Variants in SMYD3 observed in about 807,000 individuals in gnomAD.
The protein encoded by SMYD3 is histone-lysine N-methyltransferase SMYD3.
Under a neutral mutation model 57.7 loss-of-function variants are expected in SMYD3, and 36 were observed. The observed-to-expected ratio is 0.62, with a 90% CI of 0.48 to 0.82. The LOEUF (loss-of-function observed/expected upper bound fraction) is 0.82. SMYD3 is among the 40% of genes least tolerant of loss of function. The pLI is 0.00. For missense variants in SMYD3, 515 were observed against 538.8 expected, an observed-to-expected ratio of 0.96 and a Z score of 0.44; for synonymous variants, 211 against 195.0, an observed-to-expected ratio of 1.08 and a Z score of -0.68.
intron 5 of SMYD3, among the ~76,000 whole-genome samples, chr1:246,055,191 A>G (rs1364078621): frequency 6.6e-6 from 1 of 152,074 alleles, no homozygotes; most frequent in Non-Finnish European, 1.5e-5. Flanking sequence ...AAAACAAAAA[A>G]AAAAACAAAT....
At chr1:246,115,311 GTAGAAAACCTCAAGGTTCAAGGGGTA>G (rs1244096998) in intron 5 of SMYD3, among the ~76,000 whole-genome samples, 1 of 152,170 alleles carries the variant, frequency 6.6e-6, no homozygotes. Flanking sequence ...ATCAACCAGA[GTAGAAAACCTCAAGGTTCAAGGGGTA>G]TTGAATAGAA....
chr1:246,280,005 G>A (rs1055260715), intron 5 of SMYD3, among the ~76,000 whole-genome samples: 1 of 152,148 alleles, frequency 6.6e-6, no homozygotes, highest in Middle Eastern at 3.2e-3. Flanking sequence ...TAGCACACAC[G>A]ATGTTCTTAG....
chr1:246,419,210 TA>T (rs1159085583), intron 1 of SMYD3, among the ~76,000 whole-genome samples: 1 of 152,194 alleles, frequency 6.6e-6, no homozygotes, highest in African/African-American at 2.4e-5. Flanking sequence ...GATAAACCTA[TA>T]AGATAAACCT....
At chr1:245,974,234 T>C (rs1456338519) in intron 5 of SMYD3, among the ~76,000 whole-genome samples, 3 of 152,202 alleles carry the variant, frequency 2.0e-5, no homozygotes, top group Non-Finnish European at 2.9e-5. Context: ...TCAAATTTAA[T>C]ATGACTAAGT....
chr1:246,005,879 C>T (rs373872537), intron 5 of SMYD3, among the ~76,000 whole-genome samples: 3 of 152,124 alleles, frequency 2.0e-5, no homozygotes, highest in Non-Finnish European at 4.4e-5. Context: ...CATATGGAGC[C>T]GTGGTTACAG....
intron 5 of SMYD3, among the ~76,000 whole-genome samples, chr1:246,220,586 G>A (rs765622806): frequency 1.2e-4 from 19 of 152,164 alleles, no homozygotes; most frequent in Non-Finnish European, 2.5e-4. Flanking sequence ...ACTCCGACCT[G>A]GGAGCAAAGT....
At chr1:246,266,432 A>C (rs1183494448) in intron 5 of SMYD3, among the ~76,000 whole-genome samples, 2 of 139,254 alleles carry the variant, frequency 1.4e-5, no homozygotes, top group Non-Finnish European at 3.1e-5. Context: ...TATATTGAGT[A>C]TAGAATGTTT....
At chr1:246,059,719 G>A (rs750458994) in intron 5 of SMYD3, among the ~76,000 whole-genome samples, 3 of 152,090 alleles carry the variant, frequency 2.0e-5, no homozygotes, top group Non-Finnish European at 4.4e-5. Context: ...ATTATTTTGT[G>A]GCATAATAAG....
intron 5 of SMYD3, among the ~76,000 whole-genome samples, chr1:245,947,619 A>C (rs2057468011): frequency 6.6e-6 from 1 of 152,172 alleles, no homozygotes; most frequent in African/African-American, 2.4e-5. Context: ...TATAAAATGG[A>C]GGGATTGTGA....
At chr1:246,260,920 A>G (rs1470321495) in intron 5 of SMYD3, among the ~76,000 whole-genome samples, 1 of 152,194 alleles carries the variant, frequency 6.6e-6, no homozygotes, top group African/African-American at 2.4e-5. Flanking sequence ...GAGTGACCCA[A>G]GTACAGTCCT....
At chr1:246,268,756 G>A (rs192000040) in intron 5 of SMYD3, among the ~76,000 whole-genome samples, 1 of 152,054 alleles carries the variant, frequency 6.6e-6, no homozygotes, top group Non-Finnish European at 1.5e-5. Flanking sequence ...AAAGAAATGG[G>A]CAACCAGCAG....
chr1:246,401,167 T>C (rs2066761417), intron 1 of SMYD3, among the ~76,000 whole-genome samples: 1 of 151,830 alleles, frequency 6.6e-6, no homozygotes, highest in South Asian at 2.1e-4. Flanking sequence ...CCAAGGAGAG[T>C]CTTTCAAATG....
chr1:246,091,492 CA>C (rs35295300), intron 5 of SMYD3, among the ~76,000 whole-genome samples: 72,515 of 124,152 alleles, frequency 0.58, 20,170 homozygotes, highest in Non-Finnish European at 0.68. Context: ...AACCTCAGCA[CA>C]AAAAAAAAAA....
At chr1:245,856,063 C>T (rs61366456) in intron 10 of SMYD3, among the ~76,000 whole-genome samples, 10,520 of 152,264 alleles carry the variant, frequency 0.069, 1,204 homozygotes, top group African/African-American at 0.24. Flanking sequence ...TTCCCTCATG[C>T]ACATGTGAGA....
Position 246,355,180 on chromosome 1 carries a change from C to T in SMYD3, c.165-86G>A, listed in dbSNP as rs898283301. ...AAGAAAGAAAACATAAGTCAACATA[C>T]GGACACCCGTATGTTCTGTTTACTC... On this transcript the variant is annotated intron_variant, in intron 1 of 11. Transcript: ENST00000490107. This position sits in a 1 kb window ranked among gnomAD's most constrained non-coding sequence, Gnocchi z 5.0. The T allele has an allele frequency of 1.4e-5, 19 of 1,319,452 alleles. No individual in the cohort carries two copies. Among genetic ancestry groups the T allele is most frequent in the African/African-American group, 8.7e-5 (6 of 68,714 alleles). The allele number at this position is 1,319,452 out of a possible 1,614,324, so 81.7% of individuals were successfully genotyped here. A position where few individuals can be genotyped will look rare whatever the true frequency, so the allele number is the denominator to read the frequency against.
intron 11 of SMYD3, among the ~76,000 whole-genome samples, chr1:245,750,222 A>T (rs148601979): frequency 6.6e-6 from 1 of 152,182 alleles, no homozygotes; most frequent in East Asian, 1.9e-4. Flanking sequence ...TGGGCTTATG[A>T]GTACTTCAAT....
chr1:246,153,828 CTTTA>C (rs2061979983), intron 5 of SMYD3, among the ~76,000 whole-genome samples: 1 of 152,248 alleles, frequency 6.6e-6, no homozygotes, highest in East Asian at 1.9e-4. Flanking sequence ...AGCTACAACA[CTTTA>C]TTTATCCCTT....
intron 5 of SMYD3, among the ~76,000 whole-genome samples, chr1:246,273,135 C>CTTTTTTTTTGTTTTTTTTTTT (rs2064253885): frequency 9.3e-6 from 1 of 107,608 alleles, no homozygotes; most frequent in African/African-American, 3.7e-5. Context: ...TCCCTGTTTT[C>CTTTTTTTTTGTTTTTTTTTTT]TTTTTTTTTT....
intron 5 of SMYD3, among the ~76,000 whole-genome samples, chr1:246,284,217 A>G (rs1433475021): frequency 6.6e-6 from 1 of 152,228 alleles, no homozygotes; most frequent in East Asian, 1.9e-4. Flanking sequence ...CAAGTGCTGC[A>G]GTACTTCTGC....
Sources: gnomAD v4.1 joint callset for allele counts (sites outside exome capture counted in the v4.1 genomes callset) on GRCh38, gnomAD v4.1.1 for gene constraint, Gnocchi (gnomAD v3.1) non-coding constraint, MANE v1.5 for transcripts, NCBI Gene and HGNC (gene_info 2026-07-23, HGNC 2026-07-21) for gene names.